GPC5: variants seen among roughly 807,000 people sequenced by gnomAD.
GPC5 encodes glypican-5.
GPC5 carries 47 observed loss-of-function variants against 53.9 expected under a neutral mutation model. The observed-to-expected ratio is 0.87, with a 90% CI of 0.69 to 1.11. GPC5 has a LOEUF of 1.11. GPC5 is among the 50% of genes most tolerant of loss of function. The pLI is 0.00. For missense variants in GPC5, 748 were observed against 713.1 expected (o/e 1.05, Z -0.56); for synonymous variants, 286 against 263.3 (o/e 1.09, Z -0.84).
chr13:91,762,662 T>G (rs1266503507), intron 5 of GPC5, among the ~76,000 whole-genome samples: 1 of 151,918 alleles, frequency 6.6e-6, no homozygotes, highest in Non-Finnish European at 1.5e-5. Flanking sequence ...TTCCTAATAA[T>G]TATCATTATC....
chr13:92,835,931 C>T (rs1484268628), intron 7 of GPC5, among the ~76,000 whole-genome samples: 1 of 151,892 alleles, frequency 6.6e-6, no homozygotes, highest in Non-Finnish European at 1.5e-5. Context: ...CCCTAAATTA[C>T]AGTGAGTCTG....
intron 7 of GPC5, among the ~76,000 whole-genome samples, chr13:92,516,334 GT>G (rs1004692464): frequency 6.6e-6 from 1 of 152,020 alleles, no homozygotes; most frequent in Non-Finnish European, 1.5e-5. Flanking sequence ...CCATATTGTT[GT>G]TTTTTATTAA....
At chr13:91,611,289 T>G (rs1359683775) in intron 2 of GPC5, among the ~76,000 whole-genome samples, 3 of 152,168 alleles carry the variant, frequency 2.0e-5, no homozygotes, top group Non-Finnish European at 2.9e-5. Flanking sequence ...TTATAACAAC[T>G]CTCGGAGTGG....
chr13:92,152,744 A>T (rs866586723), intron 7 of GPC5, among the ~76,000 whole-genome samples: 2,210 of 151,956 alleles, frequency 0.015, 49 homozygotes, highest in African/African-American at 0.046. Flanking sequence ...ATCTCAAAAA[A>T]AAAAAAAAAA....
intron 7 of GPC5, among the ~76,000 whole-genome samples, chr13:92,518,151 A>T (rs1488311220): frequency 6.6e-6 from 1 of 152,202 alleles, no homozygotes; most frequent in Non-Finnish European, 1.5e-5. Context: ...TCTACGTCTG[A>T]TTGTTGTCCC....
At chr13:92,797,339 T>C (rs1876722150) in intron 7 of GPC5, among the ~76,000 whole-genome samples, 1 of 151,988 alleles carries the variant, frequency 6.6e-6, no homozygotes, top group South Asian at 2.1e-4. Flanking sequence ...TCTCTGTTAC[T>C]GTACCTTTGA....
At position 91,638,275 on chromosome 13, in the gene GPC5, T is replaced by A. The variant is rs76471367; in HGVS notation, c.326-54912T>A. Among the ~76,000 whole-genome samples the A allele has an allele frequency of 3.2e-3, 489 of 152,348 alleles. 6 individuals carry two copies. The highest frequency in any genetic ancestry group is 0.017 in the East Asian group (88 of 5,192). On this transcript the variant is annotated intron_variant, in intron 2 of 7. Transcript: ENST00000377067. ...ATGAAGACTTTCTTGTGTTTTCTCA[T>A]TTCTAAATCTTTGTATTTTTCCTTA...
At chr13:91,698,220 G>A (rs1029133837) in intron 3 of GPC5, among the ~76,000 whole-genome samples, 1 of 152,030 alleles carries the variant, frequency 6.6e-6, no homozygotes, top group Non-Finnish European at 1.5e-5. Context: ...TTACAGATAA[G>A]TTTTTCAGCT....
chr13:92,368,980 C>T (rs2043628957), intron 7 of GPC5, among the ~76,000 whole-genome samples: 2 of 152,114 alleles, frequency 1.3e-5, no homozygotes, highest in African/African-American at 4.8e-5. Context: ...TGCATTTTCT[C>T]TCCAGCTGTA....
intron 7 of GPC5, among the ~76,000 whole-genome samples, chr13:92,358,646 G>C (rs1210925697): frequency 1.3e-5 from 2 of 151,768 alleles, no homozygotes; most frequent in Admixed American, 6.6e-5. Context: ...CTTGCTCTCT[G>C]TGCACCTACA....
chr13:91,611,315 A>T (rs2033541939), intron 2 of GPC5, among the ~76,000 whole-genome samples: 1 of 152,220 alleles, frequency 6.6e-6, no homozygotes, highest in African/African-American at 2.4e-5. Flanking sequence ...GCTGTTAGGC[A>T]TATATGACAA....
intron 2 of GPC5, among the ~76,000 whole-genome samples, chr13:91,604,402 G>A (rs9523374): frequency 0.026 from 3,873 of 151,694 alleles, 60 homozygotes; most frequent in Non-Finnish European, 0.037. Flanking sequence ...GAATAATGCC[G>A]TAATAAACAT....
intron 7 of GPC5, among the ~76,000 whole-genome samples, chr13:92,232,773 CT>C (rs140526068): frequency 0.083 from 12,561 of 152,164 alleles, 1,545 homozygotes; most frequent in African/African-American, 0.27. Flanking sequence ...AGCTTTCCCC[CT>C]ATTAAACATA....
chr13:92,098,123 G>A (rs2041436046), intron 6 of GPC5, among the ~76,000 whole-genome samples: 1 of 152,124 alleles, frequency 6.6e-6, no homozygotes, highest in South Asian at 2.1e-4. Flanking sequence ...ACTAAGCCTA[G>A]TATGCAATAG....
rs563695550 is a variant in GPC5, at chr13:91,485,525, C to CT, written c.325+36611dup. ...GAGCCACTGCGCCCGGCCGGCCCTTCTTTTTTTTATATATTCTTTTTAAAC... is the reference window on the plus strand; with the variant it reads ...GAGCCACTGCGCCCGGCCGGCCCTTCTTTTTTTTTATATATTCTTTTTAAAC... On this transcript the variant is annotated intron_variant, in intron 2 of 7. Coordinates refer to ENST00000377067, the MANE Select transcript of GPC5 (RefSeq NM_004466.6). Among the ~76,000 whole-genome samples, 445 of 152,042 alleles carry CT rather than the reference C, an allele frequency of 2.9e-3. 1 individual carries two copies. Among genetic ancestry groups the CT allele is most frequent in the African/African-American group, 9.8e-3 (406 of 41,494 alleles).
intron 7 of GPC5, among the ~76,000 whole-genome samples, chr13:92,270,249 C>A (rs528244214): frequency 5.9e-5 from 9 of 152,064 alleles, no homozygotes; most frequent in East Asian, 3.9e-4. Context: ...GGATCTGTGT[C>A]CCAGCCCAAA....
rs115674214 is a variant in GPC5, at chr13:91,520,043, G to A, written c.325+71121G>A. 3.4e-3 allele frequency among the ~76,000 whole-genome samples: 512 copies of A among 152,288 alleles called. 1 individual carries two copies. The highest frequency in any genetic ancestry group is 0.012 in the African/African-American group (496 of 41,558). ...ATGAAGGATATGTTGACTTACTGGG[G>A]ATGGATGGAGGCAAGCTAGAGATTT... is the stretch of plus-strand genomic sequence containing the variant. On this transcript the variant is annotated intron_variant, in intron 2 of 7. Coordinates refer to ENST00000377067, the MANE Select transcript of GPC5 (RefSeq NM_004466.6).
intron 7 of GPC5, among the ~76,000 whole-genome samples, chr13:92,426,509 G>A (rs1451211889): frequency 6.6e-6 from 1 of 152,012 alleles, no homozygotes; most frequent in Admixed American, 6.6e-5. Flanking sequence ...CCTTAGATGG[G>A]AGACTAGCTA....
chr13:92,467,678 A>G (rs1390251202), intron 7 of GPC5, among the ~76,000 whole-genome samples: 1 of 152,126 alleles, frequency 6.6e-6, no homozygotes, highest in Non-Finnish European at 1.5e-5. Context: ...AAAAGAGGCA[A>G]CACTCTGACT....
Sources: gnomAD v4.1 joint callset for allele counts (sites outside exome capture counted in the v4.1 genomes callset) on GRCh38, gnomAD v4.1.1 for gene constraint, MANE v1.5 for transcripts, NCBI Gene and HGNC (gene_info 2026-07-23, HGNC 2026-07-21) for gene names.